SNX8: variants seen among roughly 807,000 people sequenced by gnomAD.
SNX8 encodes sorting nexin 8, also known as sorting nexin-8.
SNX8 carries 25 observed loss-of-function variants against 51.6 expected under a neutral mutation model. That is an observed-to-expected ratio of 0.48 (90% CI 0.35 to 0.68). The LOEUF is 0.68. Among genes scored for constraint, SNX8 ranks in the 30% least tolerant of loss-of-function variants. The pLI, the probability that SNX8 is intolerant of heterozygous loss-of-function variation, is 0.00. For missense variants in SNX8, 695 were observed against 624.0 expected, an observed-to-expected ratio of 1.11 and a Z score of -1.21; for synonymous variants, 324 against 277.0, an observed-to-expected ratio of 1.17 and a Z score of -1.68.
chr7:2,319,412 C>A (rs1796800606), upstream of SNX8, among the ~76,000 whole-genome samples: 1 of 152,210 alleles, frequency 6.6e-6, no homozygotes, highest in African/African-American at 2.4e-5. Context: ...GTAATCCCAG[C>A]ACTTTGGGAG....
Position 2,253,741 on chromosome 7 carries a change from G to A in SNX8, c.*1315C>T, listed in dbSNP as rs1795101505. ...GTGGACGATGGATCACCTGCCTGCG[G>A]GGCACACACAGGAGTCCCCTCTCCA... On this transcript the variant is annotated 3_prime_UTR_variant, in exon 11 of 11. Coordinates refer to ENST00000222990, the MANE Select transcript of SNX8 (RefSeq NM_013321.4). 1.3e-5 allele frequency: 2 copies of A among 152,276 alleles called. No homozygotes were observed. The highest frequency in any genetic ancestry group is 4.1e-4 in the South Asian group (2 of 4,828). 9.4% of individuals were successfully genotyped at this position (152,276 alleles called of 1,614,324 possible). A position where few individuals can be genotyped will look rare whatever the true frequency, so the allele number is the denominator to read the frequency against.
intron 5 of SNX8, among the ~76,000 whole-genome samples, chr7:2,268,765 G>A (rs1472810174): frequency 1.9e-4 from 4 of 20,916 alleles, no homozygotes; most frequent in Non-Finnish European, 5.9e-4. Context: ...CGCCCCGTCC[G>A]GGAGGTGAGG....
chr7:2,329,526 G>A (rs952736723), intron 1 of SNX8, among the ~76,000 whole-genome samples: 3 of 152,050 alleles, frequency 2.0e-5, no homozygotes, highest in East Asian at 1.9e-4. Flanking sequence ...GTTAGGCCTC[G>A]GGCAGCCTCT....
At chr7:2,310,617 A>C (rs1379958156) in intron 1 of SNX8, among the ~76,000 whole-genome samples, 2 of 152,088 alleles carry the variant, frequency 1.3e-5, no homozygotes. Context: ...AATACAAAAA[A>C]TTAGTCAGGT....
intron 1 of SNX8, among the ~76,000 whole-genome samples, chr7:2,306,277 G>A (rs2093628982): frequency 6.6e-6 from 1 of 152,076 alleles, no homozygotes. Context: ...ACAGGCGCAT[G>A]CCACCAAGCC....
intron 8 of SNX8, 23 bp from the exon 9 acceptor site, chr7:2,257,537 C>T: frequency 1.3e-6 from 2 of 1,599,258 alleles, no homozygotes; most frequent in Non-Finnish European, 8.5e-7. Flanking sequence ...GGGAGGCATT[C>T]GCCCGCTGTC....
chr7:2,335,140 G>A (rs879538679), intron 1 of SNX8, among the ~76,000 whole-genome samples: 2 of 151,148 alleles, frequency 1.3e-5, no homozygotes, highest in Non-Finnish European at 3.0e-5. Context: ...AGTTTGCAGT[G>A]AGCTGAGATC....
chr7:2,263,260 G>A lies in SNX8; in HGVS notation c.885C>T (p.Phe295=), dbSNP rs371599582. 1.9e-5 allele frequency: 31 copies of A among 1,613,810 alleles called. No individual in the cohort carries two copies. The highest frequency in any genetic ancestry group is 1.2e-4 in the African/African-American group (9 of 74,938). ...KQALKGLSVE[F]ALLADKAAQQ... Reference sequence around the variant, plus strand: ...GTGCAGCCTTGTCGGCGAGCAGCGCGAATTCCACAGACAGGCCTTTCAGAG... The same window carrying A: ...GTGCAGCCTTGTCGGCGAGCAGCGCAAATTCCACAGACAGGCCTTTCAGAG... The change falls in exon 7 of 11, where the codon TTC becomes TTT. Residue 295 remains phenylalanine (F), a synonymous_variant. Coordinates refer to ENST00000222990, the MANE Select transcript of SNX8 (RefSeq NM_013321.4).
Position 2,303,309 on chromosome 7 carries a change from C to T in SNX8, c.94+11019G>A, listed in dbSNP as rs557230681. On this transcript the variant is annotated intron_variant, in intron 1 of 10. Coordinates refer to ENST00000222990, the MANE Select transcript of SNX8 (RefSeq NM_013321.4). ...GGGGGTCAGCCCCCCGCCCGGCCAG[C>T]CGCCCCGTCCGGGAGGGAGGTGGAG... Among the ~76,000 whole-genome samples, 462 of 150,922 alleles carry T rather than the reference C, an allele frequency of 3.1e-3. 4 individuals carry two copies. The highest frequency in any genetic ancestry group is 0.011 in the African/African-American group (451 of 40,982).
In SNX8 at chr7:2,278,221, T is replaced by C. The variant is rs368063307; in HGVS notation, c.179A>G (p.Asn60Ser). Residue 60 changes from asparagine (N) to serine (S), a missense_variant, in exon 2 of 11, where the codon AAC becomes AGC. By Grantham distance (46) the Asn-to-Ser change is conservative (BLOSUM62 1). Transcript: ENST00000222990. Reference protein sequence around the residue: ...APSRMQMPQGNPLLLSHTLQE... With the variant: ...APSRMQMPQGSPLLLSHTLQE... ...CAGGGTGTGGGACAGCAGCAGCGGGTTCCCCTGCGGCATCTGCATTCGACT... is the reference window on the plus strand; with the variant it reads ...CAGGGTGTGGGACAGCAGCAGCGGGCTCCCCTGCGGCATCTGCATTCGACT... The C allele has an allele frequency of 2.6e-5, 42 of 1,612,830 alleles. No individual in the cohort carries two copies. Among genetic ancestry groups the C allele is most frequent in the East Asian group, 2.2e-4 (10 of 44,850 alleles).
chr7:2,260,682 G>A (rs1795314860), intron 7 of SNX8, among the ~76,000 whole-genome samples: 1 of 152,166 alleles, frequency 6.6e-6, no homozygotes, highest in Non-Finnish European at 1.5e-5. Context: ...AACAGCAAGG[G>A]TGAGATGGAA....
In SNX8 at chr7:2,264,455, A is replaced by C; in HGVS notation, c.625T>G (p.Phe209Val). 6.2e-7 allele frequency: 1 copy of C among 1,609,816 alleles called. No individual in the cohort carries two copies. Among genetic ancestry groups the C allele is most frequent in the Non-Finnish European group, 8.5e-7 (1 of 1,179,252 alleles). Residue 209 changes from phenylalanine (F) to valine (V), a missense_variant, in exon 6 of 11, where the codon TTC becomes GTC. Transcript: ENST00000222990. ...NCKLATRAKD[F>V]LPADIQAQFA... is the part of the protein sequence containing the mutation. Reference sequence around the variant, plus strand: ...TGAGCCTGGATGTCAGCTGGGAGGAAGTCCTGACATCATGATGGGGGGAGA... The same window carrying C: ...TGAGCCTGGATGTCAGCTGGGAGGACGTCCTGACATCATGATGGGGGGAGA...
intron 1 of SNX8, among the ~76,000 whole-genome samples, chr7:2,286,985 A>G (rs568113313): frequency 1.8e-4 from 27 of 151,680 alleles, no homozygotes; most frequent in African/African-American, 5.3e-4. Flanking sequence ...CTAAACATAC[A>G]AAAATTAGCC....
chr7:2,264,477 G>A lies in SNX8; in HGVS notation c.622-19C>T, dbSNP rs1385380630. Reference sequence around the variant, plus strand: ...GGAAGTCCTGACATCATGATGGGGGGAGAGACACTGTGTTAGTCGCTGGGG... The same window carrying A: ...GGAAGTCCTGACATCATGATGGGGGAAGAGACACTGTGTTAGTCGCTGGGG... On this transcript the variant is annotated intron_variant, in intron 5 of 10. Coordinates refer to ENST00000222990, the MANE Select transcript of SNX8 (RefSeq NM_013321.4). 2 of 1,604,232 alleles carry A rather than the reference G, an allele frequency of 1.2e-6. No individual in the cohort carries two copies. Among genetic ancestry groups the A allele is most frequent in the Non-Finnish European group, 1.7e-6 (2 of 1,176,874 alleles).
At chr7:2,326,845 C>G (rs1778630431) in intron 1 of SNX8, among the ~76,000 whole-genome samples, 1 of 152,012 alleles carries the variant, frequency 6.6e-6, no homozygotes, top group South Asian at 2.1e-4. Context: ...GTGGCTCACA[C>G]CTATAATCCC....
chr7:2,352,777 A>G (rs972143334), intron 1 of SNX8, among the ~76,000 whole-genome samples: 1 of 151,996 alleles, frequency 6.6e-6, no homozygotes, highest in African/African-American at 2.4e-5. Flanking sequence ...TGGAGCTTGC[A>G]GTGAGCCGAG....
At chr7:2,265,139 G>T (rs774599066) in intron 5 of SNX8, among the ~76,000 whole-genome samples, 26 of 152,026 alleles carry the variant, frequency 1.7e-4, no homozygotes, top group Non-Finnish European at 2.9e-4. Context: ...CGAATCACGA[G>T]GTAAGGAGAT....
upstream of SNX8, chr7:2,354,404 C>G (rs372523242): frequency 2.6e-5 from 4 of 152,232 alleles, no homozygotes; most frequent in Admixed American, 2.6e-4. Flanking sequence ...TAGCGAAAGG[C>G]TCAGACGCCC....
chr7:2,275,499 A>C (rs1419308691), intron 2 of SNX8, among the ~76,000 whole-genome samples: 1 of 151,986 alleles, frequency 6.6e-6, no homozygotes, highest in Non-Finnish European at 1.5e-5. Flanking sequence ...CAGGAGTTAA[A>C]GAGACCAGCC....
Sources: allele counts gnomAD v4.1 joint callset (sites outside exome capture counted in the v4.1 genomes callset), GRCh38; gene constraint gnomAD v4.1.1; transcripts MANE v1.5; gene names NCBI Gene and HGNC (gene_info 2026-07-23, HGNC 2026-07-21).